ABCA1: variants seen among roughly 807,000 people sequenced by gnomAD.
The protein encoded by ABCA1 is ATP binding cassette subfamily A member 1.
In ABCA1, 133 loss-of-function variants were observed where a neutral mutation model predicts 262.5. The ratio of observed to expected loss-of-function variants is 0.51; its 90% CI spans 0.44 to 0.59. The LOEUF (loss-of-function observed/expected upper bound fraction) is 0.59. Among genes scored for constraint, ABCA1 ranks in the 20% least tolerant of loss-of-function variants. The pLI is 0.00. For missense variants in ABCA1, 2,452 were observed against 2,777.5 expected (o/e 0.88, Z 2.63); for synonymous variants, 1,022 against 1,043.5 (o/e 0.98, Z 0.40).
chr9:104,814,044 G>A (rs549478226), intron 27 of ABCA1, 74 bp downstream of exon 27: 1 of 1,499,966 alleles, frequency 6.7e-7, no homozygotes, highest in Admixed American at 1.7e-5. Context: ...GCCATCCAAA[G>A]AAAACAGGTG....
rs1322998567 is a variant in ABCA1 at position 104,825,707 on chromosome 9, A to G, written c.2518T>C (p.Trp840Arg). 4.3e-6 allele frequency: 7 copies of G among 1,614,264 alleles called. No homozygotes were observed. In the East Asian group the frequency reaches 1.6e-4, roughly 36 times the overall value. ...FDTFLYGVMT[W>R]YIEAVFPGQY... Reference sequence around the variant, plus strand: ...CCTGGAAAGACAGCCTCAATGTACCAGGTCATCACCCCATAGAGGAAGGTG... The same window carrying G: ...CCTGGAAAGACAGCCTCAATGTACCGGGTCATCACCCCATAGAGGAAGGTG... Residue 840 changes from tryptophan (W) to arginine (R), a missense_variant, in exon 17 of 50, where the codon TGG (tryptophan) becomes CGG (arginine). Trp to Arg is a moderately radical substitution (Grantham distance 101). Coordinates refer to ENST00000374736, the MANE Select transcript of ABCA1 (RefSeq NM_005502.4).
chr9:104,840,831 C>G (rs921943773), intron 8 of ABCA1, among the ~76,000 whole-genome samples: 4 of 152,156 alleles, frequency 2.6e-5, no homozygotes, highest in Non-Finnish European at 5.9e-5. Flanking sequence ...CAGGTGATTC[C>G]TATGCTCACT....
intron 14 of ABCA1, 118 bp downstream of exon 14, chr9:104,830,807 T>A: frequency 8.3e-7 from 1 of 1,203,152 alleles, no homozygotes; most frequent in Non-Finnish European, 1.2e-6. Context: ...GTTGACAACT[T>A]ACATCTGGCA....
chr9:104,907,884 G>C (rs1368449574), intron 1 of ABCA1, among the ~76,000 whole-genome samples: 1 of 152,214 alleles, frequency 6.6e-6, no homozygotes, highest in East Asian at 1.9e-4. Context: ...TTGCCAAAAT[G>C]TGACAATCTC....
chr9:104,808,522 G>A (rs74441447), intron 30 of ABCA1, among the ~76,000 whole-genome samples: 3,554 of 152,246 alleles, frequency 0.023, 161 homozygotes, highest in African/African-American at 0.082. Flanking sequence ...TAGCTGCTAG[G>A]ATTTACCACC....
At chr9:104,841,207 G>A (rs1025152880) in intron 8 of ABCA1, among the ~76,000 whole-genome samples, 18 of 152,026 alleles carry the variant, frequency 1.2e-4, no homozygotes, top group Admixed American at 6.6e-4. Flanking sequence ...AGGTCGAGGC[G>A]GGTGGATCAC....
rs764500820 is a variant in ABCA1 at position 104,903,714 on chromosome 9, G to A, written c.-35C>T. 3.2e-6 allele frequency: 5 copies of A among 1,559,978 alleles called. No homozygotes were observed. The African/African-American group carries it at 6.8e-5, about 21-fold the overall frequency. On this transcript the variant is annotated 5_prime_UTR_variant, in exon 2 of 50. Transcript: ENST00000374736. Reference sequence around the variant, plus strand: ...GCCAGCACCCCCAGCGTGTGGCTCGGGAGCCCTGGAAGGCAGCGGCCAGAG... The same window carrying A: ...GCCAGCACCCCCAGCGTGTGGCTCGAGAGCCCTGGAAGGCAGCGGCCAGAG...
At chr9:104,910,126 C>T (rs1324587577) in intron 1 of ABCA1, among the ~76,000 whole-genome samples, 2 of 152,116 alleles carry the variant, frequency 1.3e-5, no homozygotes, top group Non-Finnish European at 2.9e-5. Context: ...AGGGCAGGTT[C>T]CAGAAGAGGG....
intron 2 of ABCA1, among the ~76,000 whole-genome samples, chr9:104,901,474 C>T (rs1303404928): frequency 6.6e-6 from 1 of 152,152 alleles, no homozygotes; most frequent in Non-Finnish European, 1.5e-5. Flanking sequence ...CATGGATAAA[C>T]CATGGCGGAG....
At chr9:104,831,919 T>C in intron 12 of ABCA1, 92 bp from the exon 13 acceptor site, 1 of 1,118,612 alleles carries the variant, frequency 8.9e-7, no homozygotes, top group South Asian at 1.2e-5. Context: ...AAGGGCTGAC[T>C]ACACGATTGC....
At chr9:104,802,833 T>C (rs1007202362) in intron 33 of ABCA1, among the ~76,000 whole-genome samples, 1 of 152,218 alleles carries the variant, frequency 6.6e-6, no homozygotes, top group African/African-American at 2.4e-5. Context: ...TTTTGGCGCT[T>C]CTTATTTCCT....
chr9:104,924,361 G>A (rs1023385758), intron 1 of ABCA1, among the ~76,000 whole-genome samples: 2 of 152,112 alleles, frequency 1.3e-5, no homozygotes, highest in Non-Finnish European at 2.9e-5. Context: ...TGTAATCCCA[G>A]CACTTTGGGA....
At position 104,793,244 on chromosome 9, in the gene ABCA1, C is replaced by T. The variant is rs766712712; in HGVS notation, c.5563G>A (p.Ala1855Thr). The change falls in exon 41 of 50, where the codon GCC (alanine) becomes ACC (threonine). Residue 1855 changes from alanine (A) to threonine (T), a missense_variant. Around this residue, in one of 4 missense-constraint regions of ABCA1, gnomAD observed 752 missense variants for 944.5 expected, o/e 0.80. Coordinates refer to ENST00000374736, the MANE Select transcript of ABCA1 (RefSeq NM_005502.4). Reference protein sequence around the residue: ...SWDLVGRNLFAMAVEGVVFFL... With the variant: ...SWDLVGRNLFTMAVEGVVFFL... ...AACACCACCCCTTCCACGGCCATGG[C>T]GAAGAGGTTTCGTCCCACCAAGTCC... is the stretch of plus-strand genomic sequence containing the variant. 9 of 1,614,018 alleles carry T rather than the reference C, an allele frequency of 5.6e-6. No homozygotes were observed. Among genetic ancestry groups the T allele is most frequent in the South Asian group, 2.2e-5 (2 of 91,066 alleles).
chr9:104,863,322 C>T (rs796166914), intron 5 of ABCA1, among the ~76,000 whole-genome samples: 1 of 152,224 alleles, frequency 6.6e-6, no homozygotes, highest in South Asian at 2.1e-4. Flanking sequence ...TTCCAACCCA[C>T]TCTCCTAACA....
intron 37 of ABCA1, 24 bp downstream of exon 37, chr9:104,798,397 G>C (rs1041513549): frequency 6.2e-7 from 1 of 1,613,448 alleles, no homozygotes; most frequent in African/African-American, 1.3e-5. Flanking sequence ...ACATCAGAAA[G>C]ATACAGCAGG....
At chr9:104,870,629 C>T (rs1246935097) in intron 5 of ABCA1, among the ~76,000 whole-genome samples, 1 of 151,740 alleles carries the variant, frequency 6.6e-6, no homozygotes, top group Non-Finnish European at 1.5e-5. Flanking sequence ...GTGCCCTCAC[C>T]AATAGCATTA....
At chr9:104,887,752 A>G (rs113206627) in intron 3 of ABCA1, among the ~76,000 whole-genome samples, 10,673 of 127,540 alleles carry the variant, frequency 0.084, 512 homozygotes, top group Middle Eastern at 0.19. Flanking sequence ...TTTGAGACAG[A>G]GTCTCACTCT....
At chr9:104,862,672 G>C (rs375826876) in intron 5 of ABCA1, among the ~76,000 whole-genome samples, 343 of 2,288 alleles carry the variant, frequency 0.15, 98 homozygotes, top group African/African-American at 0.28. Context: ...GCCGGGCCGG[G>C]CCGGGCCGGG....
At chr9:104,812,448 T>G in intron 28 of ABCA1, 126 bp downstream of exon 28, 2 of 1,268,704 alleles carry the variant, frequency 1.6e-6, no homozygotes, top group Non-Finnish European at 2.2e-6. Context: ...GAACTGGGAT[T>G]GAAATACAGA....
Sources: gnomAD v4.1 joint callset for allele counts (sites outside exome capture counted in the v4.1 genomes callset) on GRCh38, gnomAD v4.1.1 for gene constraint, gnomAD v4.1.1 regional missense constraint, MANE v1.5 for transcripts, NCBI Gene and HGNC (gene_info 2026-07-23, HGNC 2026-07-21) for gene names.